The following VPS13D variants were observed in gnomAD, a reference collection of about 807,000 sequenced individuals.
VPS13D encodes vacuolar protein sorting 13 homolog D.
In VPS13D, 187 loss-of-function variants were observed where a neutral mutation model predicts 461.9. That is an observed-to-expected ratio of 0.40 (90% CI 0.36 to 0.46). VPS13D has a LOEUF of 0.46. Ranked by LOEUF, VPS13D falls within the 20% of genes least tolerant of loss-of-function variation. The probability of loss-of-function intolerance (pLI) is 0.60; values close to 1 mark genes in which losing one functional copy is unlikely to be tolerated. For missense variants in VPS13D, 4,711 were observed against 5,364.9 expected, an observed-to-expected ratio of 0.88 and a Z score of 3.81; for synonymous variants, 1,951 against 1,986.3, an observed-to-expected ratio of 0.98 and a Z score of 0.47.
rs1243356647 is a variant in VPS13D at position 12,285,266 on chromosome 1, GTATTTATT to G, written c.5634+1556_5634+1563del. Among the ~76,000 whole-genome samples the G allele has an allele frequency of 1.3e-4, 19 of 145,092 alleles. 1 individual carries two copies. Among genetic ancestry groups the G allele is most frequent in the African/African-American group, 3.3e-4 (13 of 39,152 alleles). On this transcript the variant is annotated intron_variant, in intron 21 of 69. Transcript: ENST00000620676. ...TCTTTGCTGAAGTATTTTATTTTATGTATTTATTTATTTATTTATTTATTTATTTATTT... is the reference window on the plus strand; with the variant it reads ...TCTTTGCTGAAGTATTTTATTTTATGTATTTATTTATTTATTTATTTATTT...
intron 2 of VPS13D, among the ~76,000 whole-genome samples, chr1:12,234,604 G>A (rs1640088971): frequency 6.6e-6 from 1 of 152,172 alleles, no homozygotes; most frequent in Non-Finnish European, 1.5e-5. Flanking sequence ...CTACACTACT[G>A]GTGACTGTGC....
Position 12,400,980 on chromosome 1 carries a change from A to G in VPS13D, c.11785-628A>G, listed in dbSNP as rs1271693146. On this transcript the variant is annotated intron_variant, in intron 61 of 69. Coordinates refer to ENST00000620676, the MANE Select transcript of VPS13D (RefSeq NM_015378.4). ...CGCGCGCGCACACACACACACACACACACACACACACACACACACACACAA... is the reference window on the plus strand; with the variant it reads ...CGCGCGCGCACACACACACACACACGCACACACACACACACACACACACAA... Among the ~76,000 whole-genome samples, 174 of 148,838 alleles carry G rather than the reference A, an allele frequency of 1.2e-3. 1 individual carries two copies. The highest frequency in any genetic ancestry group is 4.1e-3 in the African/African-American group (157 of 38,488).
chr1:12,470,026 C>G (rs1645542195), intron 67 of VPS13D, among the ~76,000 whole-genome samples: 2 of 152,174 alleles, frequency 1.3e-5, no homozygotes, highest in Admixed American at 1.3e-4. Context: ...TGGATAAGCT[C>G]CTTTGAACTC....
intron 65 of VPS13D, among the ~76,000 whole-genome samples, chr1:12,453,535 G>A (rs1198812864): frequency 6.6e-6 from 1 of 152,110 alleles, no homozygotes. Flanking sequence ...ACAGCGTCTG[G>A]GGCACCAGAG....
Position 12,267,914 on chromosome 1 carries a change from T to C in VPS13D, c.1795T>C (p.Tyr599His), listed in dbSNP as rs770063025. 1.9e-6 allele frequency: 3 copies of C among 1,613,226 alleles called. No homozygotes were observed. The South Asian group carries it at 3.3e-5, about 18-fold the overall frequency. The change falls in exon 15 of 70, where the codon TAC (tyrosine) becomes CAC (histidine). Residue 599 changes from tyrosine (Y) to histidine (H), a missense_variant. Tyr to His is a moderately conservative substitution (Grantham distance 83, BLOSUM62 2). Transcript: ENST00000620676. Reference sequence around the variant, plus strand: ...TACATCTGCAGACAGAAGTGATCATTACCCAGGTAATTTGTCCTATGTTGT... The same window carrying C: ...TACATCTGCAGACAGAAGTGATCATCACCCAGGTAATTTGTCCTATGTTGT... ...QTTSADRSDH[Y>H]PAADPDGPVF...
chr1:12,259,134 T>C (rs72864977), intron 10 of VPS13D, among the ~76,000 whole-genome samples: 11,309 of 151,542 alleles, frequency 0.075, 735 homozygotes, highest in African/African-American at 0.15. Context: ...TCCGTCACCC[T>C]GGGCTCAAGC....
intron 22 of VPS13D, among the ~76,000 whole-genome samples, chr1:12,288,717 CG>C (rs1360785980): frequency 6.6e-6 from 1 of 151,834 alleles, no homozygotes; most frequent in Non-Finnish European, 1.5e-5. Flanking sequence ...CCCTAGAAAA[CG>C]GGCATACAAC....
At position 12,344,114 on chromosome 1, in the gene VPS13D, A is replaced by T. The variant is rs78792344; in HGVS notation, c.8885+1063A>T. Among the ~76,000 whole-genome samples, 10 of 152,350 alleles carry T rather than the reference A, an allele frequency of 6.6e-5. No individual in the cohort carries two copies. In the East Asian group the frequency reaches 1.9e-3, roughly 29 times the overall value. ...CATAAAATATCCAATAAAGTGTTGT[A>T]TTATTTACAAGTATTTTTCTATGCA... On this transcript the variant is annotated intron_variant, in intron 42 of 69. Coordinates refer to ENST00000620676, the MANE Select transcript of VPS13D (RefSeq NM_015378.4).
At chr1:12,494,515 G>A (rs1485156313) in intron 67 of VPS13D, among the ~76,000 whole-genome samples, 2 of 152,196 alleles carry the variant, frequency 1.3e-5, no homozygotes, top group East Asian at 3.9e-4. Flanking sequence ...GCTGTCATGA[G>A]ATTAAATTTT....
intron 65 of VPS13D, among the ~76,000 whole-genome samples, chr1:12,440,623 C>G (rs1012612478): frequency 1.4e-4 from 21 of 152,186 alleles, no homozygotes; most frequent in Admixed American, 3.3e-4. Flanking sequence ...CACCTGTAAT[C>G]CCAGCACTTT....
At chr1:12,232,154 G>GA (rs56976053) in intron 1 of VPS13D, among the ~76,000 whole-genome samples, 24,758 of 151,168 alleles carry the variant, frequency 0.16, 3,934 homozygotes, top group African/African-American at 0.42. Context: ...TCCATTTGCA[G>GA]AAAAAAAAAT....
At chr1:12,242,211 G>T (rs569236086) in intron 2 of VPS13D, among the ~76,000 whole-genome samples, 5 of 152,198 alleles carry the variant, frequency 3.3e-5, no homozygotes, top group Non-Finnish European at 5.9e-5. Flanking sequence ...GTGTTAGAGC[G>T]GACGGCCTGG....
chr1:12,401,836 G>T, intron 62 of VPS13D, 132 bp downstream of exon 62: 3 of 659,322 alleles, frequency 4.6e-6, no homozygotes, highest in East Asian at 5.3e-5. Flanking sequence ...GAGCTAGGAA[G>T]CTAAGGCTTG....
chr1:12,414,917 C>G (rs990032609), intron 63 of VPS13D, among the ~76,000 whole-genome samples, 170 bp from the exon 64 acceptor site: 3 of 152,104 alleles, frequency 2.0e-5, no homozygotes, highest in African/African-American at 4.8e-5. Flanking sequence ...GTATTTTTCC[C>G]TAGTATTTTA....
At chr1:12,383,350 A>C (rs1361503181) in intron 58 of VPS13D, among the ~76,000 whole-genome samples, 195 bp downstream of exon 58, 2 of 152,260 alleles carry the variant, frequency 1.3e-5, no homozygotes, top group African/African-American at 4.8e-5. Flanking sequence ...ATAAGCGTAA[A>C]GTATAAACAA....
At chr1:12,395,684 A>G (rs971480652) in intron 60 of VPS13D, among the ~76,000 whole-genome samples, 1 of 152,078 alleles carries the variant, frequency 6.6e-6, no homozygotes, top group East Asian at 1.9e-4. Flanking sequence ...TTTTCTACAT[A>G]TGGTCAAAGG....
chr1:12,428,519 C>G (rs1644953652), intron 65 of VPS13D, among the ~76,000 whole-genome samples: 1 of 152,180 alleles, frequency 6.6e-6, no homozygotes, highest in Non-Finnish European at 1.5e-5. Flanking sequence ...AGAGAGTGGA[C>G]TGTGCGCCAT....
intron 65 of VPS13D, among the ~76,000 whole-genome samples, chr1:12,454,433 T>C (rs750826479): frequency 2.0e-5 from 3 of 152,218 alleles, no homozygotes; most frequent in Non-Finnish European, 4.4e-5. Flanking sequence ...GGCAGTGATA[T>C]GGAAGGCAAG....
chr1:12,250,016 T>A (rs1327839783), intron 6 of VPS13D, among the ~76,000 whole-genome samples: 2 of 152,324 alleles, frequency 1.3e-5, no homozygotes, highest in Non-Finnish European at 2.9e-5. Flanking sequence ...AAGTTGGAGT[T>A]CCCACAGTTC....
Sources: allele counts gnomAD v4.1 joint callset (sites outside exome capture counted in the v4.1 genomes callset), GRCh38; gene constraint gnomAD v4.1.1; transcripts MANE v1.5; gene names NCBI Gene and HGNC (gene_info 2026-07-23, HGNC 2026-07-21).